The following PLD1 variants were observed in gnomAD, a reference collection of about 807,000 sequenced individuals.
The protein encoded by PLD1 is phospholipase D1.
PLD1 carries 112 observed loss-of-function variants against 137.1 expected under a neutral mutation model. The observed-to-expected ratio is 0.82, with a 90% confidence interval of 0.70 to 0.96. The LOEUF (loss-of-function observed/expected upper bound fraction) is 0.96. Ranked by LOEUF, PLD1 falls within the 40% of genes least tolerant of loss-of-function variation. The pLI, the probability that PLD1 is intolerant of heterozygous loss-of-function variation, is 0.00. For missense variants in PLD1, 1,321 were observed against 1,342.0 expected, an observed-to-expected ratio of 0.98 and a Z score of 0.24; for synonymous variants, 431 against 454.7, an observed-to-expected ratio of 0.95 and a Z score of 0.66.
intron 1 of PLD1, among the ~76,000 whole-genome samples, chr3:171,742,325 A>G (rs1037347481): frequency 7.9e-5 from 12 of 152,148 alleles, no homozygotes; most frequent in African/African-American, 2.9e-4. Flanking sequence ...TCCTGAGCTC[A>G]AGTGACCTGC....
intron 1 of PLD1, among the ~76,000 whole-genome samples, chr3:171,808,815 ATTTTTTTTTT>A (rs60146546): frequency 2.3e-5 from 2 of 86,236 alleles, no homozygotes; most frequent in African/African-American, 4.8e-5. Flanking sequence ...TTAGCATTCA[ATTTTTTTTTT>A]TTTTTTTTTT....
intron 21 of PLD1, among the ~76,000 whole-genome samples, chr3:171,648,307 G>T (rs1736436676): frequency 6.6e-6 from 1 of 152,080 alleles, no homozygotes; most frequent in African/African-American, 2.4e-5. Context: ...AGTAACATAT[G>T]CTCATAGTAC....
rs749534805 is a variant in PLD1, at chr3:171,603,024, T to A, written c.*54A>T. ...GGCTATGACATCCCCAGGAAGTCAC[T>A]GTGTGCAGTGTGGTCTCCAGGGTGG... On this transcript the variant is annotated 3_prime_UTR_variant, in exon 27 of 27. Coordinates refer to ENST00000351298, the MANE Select transcript of PLD1 (RefSeq NM_002662.5). 3.1e-6 allele frequency: 4 copies of A among 1,286,816 alleles called. No individual in the cohort carries two copies. Among genetic ancestry groups the A allele is most frequent in the Admixed American group, 1.7e-5 (1 of 58,966 alleles). 79.7% of individuals were successfully genotyped at this position (1,286,816 alleles called of 1,614,324 possible). A position where few individuals can be genotyped will look rare whatever the true frequency, so the allele number is the denominator to read the frequency against.
chr3:171,695,590 T>C (rs1715611674), intron 12 of PLD1, among the ~76,000 whole-genome samples: 1 of 152,216 alleles, frequency 6.6e-6, no homozygotes. Flanking sequence ...TCAAACTACA[T>C]GGGAAGACAA....
Position 171,676,744 on chromosome 3 carries a change from G to C in PLD1, c.2086C>G (p.His696Asp). Reference sequence around the variant, plus strand: ...GTGAAGTTCCAGCGCTGGATGAAGTGACGTGCCACATCACGAGCCGCCTTC... The same window carrying C: ...GTGAAGTTCCAGCGCTGGATGAAGTCACGTGCCACATCACGAGCCGCCTTC... ...HGKAARDVAR[H>D]FIQRWNFTKI... The change falls in exon 18 of 27, where the codon CAC becomes GAC. Residue 696 changes from histidine (H) to aspartate (D), a missense_variant. Coordinates refer to ENST00000351298, the MANE Select transcript of PLD1 (RefSeq NM_002662.5). 6.2e-7 allele frequency: 1 copy of C among 1,614,078 alleles called. No individual in the cohort carries two copies. The highest frequency in any genetic ancestry group is 8.5e-7 in the Non-Finnish European group (1 of 1,179,946).
chr3:171,688,537 A>T, intron 14 of PLD1, 139 bp downstream of exon 14: 1 of 706,210 alleles, frequency 1.4e-6, no homozygotes, highest in Non-Finnish European at 2.4e-6. Context: ...GGTCTGTCTC[A>T]TGATTGACTT....
intron 17 of PLD1, among the ~76,000 whole-genome samples, chr3:171,677,114 T>A (rs1713456063): frequency 6.6e-6 from 1 of 152,248 alleles, no homozygotes; most frequent in Admixed American, 6.5e-5. Context: ...TCTAAGGCTG[T>A]GTATTTGATA....
In PLD1 at chr3:171,688,722, C is replaced by T; in HGVS notation, c.1493G>A (p.Gly498Asp). ...TCCTGAAGTGACCCGCTTCACACTG[C>T]CCACGTCTGTGAGTCTGTGCTCATT... ...DDNEHRLTDV[G>D]SVKRVTSGPS... Residue 498 changes from glycine (G) to aspartate (D), a missense_variant, in exon 14 of 27, where the codon GGC (glycine) becomes GAC (aspartate). Transcript: ENST00000351298. 1 of 1,614,130 alleles carries T rather than the reference C, an allele frequency of 6.2e-7. No individual in the cohort carries two copies. The highest frequency in any genetic ancestry group is 8.5e-7 in the Non-Finnish European group (1 of 1,179,996).
chr3:171,715,364 A>G (rs775358150), intron 8 of PLD1, among the ~76,000 whole-genome samples: 21 of 152,148 alleles, frequency 1.4e-4, no homozygotes, highest in Middle Eastern at 6.3e-3. Flanking sequence ...ATAGCTTTGT[A>G]ATATATTTTG....
intron 1 of PLD1, among the ~76,000 whole-genome samples, chr3:171,746,273 C>A (rs370624658): frequency 1.3e-5 from 2 of 152,198 alleles, no homozygotes; most frequent in Admixed American, 6.5e-5. Flanking sequence ...GCTCGCAGCG[C>A]GGGACTGGCG....
intron 21 of PLD1, among the ~76,000 whole-genome samples, chr3:171,649,424 T>C (rs1308712888): frequency 6.6e-6 from 1 of 152,206 alleles, no homozygotes; most frequent in African/African-American, 2.4e-5. Flanking sequence ...TGGTTGAATG[T>C]AAGCCAAAGC....
At chr3:171,726,782 T>C (rs1008726653) in intron 6 of PLD1, among the ~76,000 whole-genome samples, 2 of 152,188 alleles carry the variant, frequency 1.3e-5, no homozygotes, top group African/African-American at 4.8e-5. Flanking sequence ...TAACTATGAG[T>C]TGGTGTTATG....
intron 23 of PLD1, among the ~76,000 whole-genome samples, chr3:171,637,560 A>C (rs1033031773): frequency 3.9e-5 from 6 of 152,134 alleles, no homozygotes; most frequent in East Asian, 1.9e-4. Flanking sequence ...TGACCTTGGT[A>C]TTGGTATCAG....
chr3:171,776,349 G>C (rs1722591287), intron 1 of PLD1, among the ~76,000 whole-genome samples: 1 of 152,198 alleles, frequency 6.6e-6, no homozygotes, highest in South Asian at 2.1e-4. Flanking sequence ...CCACCCAAAT[G>C]ATGAGTTGCA....
At position 171,713,996 on chromosome 3, in the gene PLD1, C is replaced by G. The variant is rs1484029367; in HGVS notation, c.808G>C (p.Gly270Arg). 6.2e-7 allele frequency: 1 copy of G among 1,608,408 alleles called. No individual in the cohort carries two copies. Among genetic ancestry groups the G allele is most frequent in the Admixed American group, 1.7e-5 (1 of 60,008 alleles). Residue 270 changes from glycine to arginine, a missense_variant, in exon 9 of 27, where the codon GGT becomes CGT. Physicochemically the swap from Gly to Arg is moderately radical, Grantham distance 125. Coordinates refer to ENST00000351298, the MANE Select transcript of PLD1 (RefSeq NM_002662.5). ...SFLLYMKPDS[G>R]AIAFVLLVDK... is the part of the protein sequence containing the mutation. The stretch of plus-strand genomic sequence containing the variant: ...ACCAGCAGGACGAAGGCAATGGCAC[C>G]GCTGTCTGGTTTCATATACAATAAA...
At chr3:171,760,018 G>A (rs1167121052) in intron 1 of PLD1, among the ~76,000 whole-genome samples, 7 of 152,114 alleles carry the variant, frequency 4.6e-5, no homozygotes, top group East Asian at 3.8e-4. Context: ...TAGAGTTATC[G>A]AACCCTAATA....
chr3:171,715,473 T>G lies in PLD1; in HGVS notation c.759-1428A>C, dbSNP rs149277893. ...GTTCAGGGTCTTTTGTTGTTTTATG[T>G]GAATTTTAGGATTGTTTTTTCTATT... On this transcript the variant is annotated intron_variant, in intron 8 of 26. Coordinates refer to ENST00000351298, the MANE Select transcript of PLD1 (RefSeq NM_002662.5). Among the ~76,000 whole-genome samples the G allele has an allele frequency of 4.2e-3, 639 of 152,296 alleles. 13 individuals carry two copies. Among genetic ancestry groups the G allele is most frequent in the Admixed American group, 0.029 (438 of 15,294 alleles).
At chr3:171,641,303 C>A (rs1490719008) in intron 23 of PLD1, among the ~76,000 whole-genome samples, 3 of 152,102 alleles carry the variant, frequency 2.0e-5, no homozygotes, top group African/African-American at 7.2e-5. Flanking sequence ...AGTTAATTTC[C>A]CCATCCAAAG....
chr3:171,764,624 C>T (rs1252255213), intron 1 of PLD1, among the ~76,000 whole-genome samples: 1 of 151,770 alleles, frequency 6.6e-6, no homozygotes, highest in Non-Finnish European at 1.5e-5. Context: ...TCCAATAAAA[C>T]AGTTGGCAGC....
Sources: gnomAD v4.1 joint callset for allele counts (sites outside exome capture counted in the v4.1 genomes callset) on GRCh38, gnomAD v4.1.1 for gene constraint, MANE v1.5 for transcripts, NCBI Gene and HGNC (gene_info 2026-07-23, HGNC 2026-07-21) for gene names.